Variants in CBARP observed in about 807,000 individuals in gnomAD.
The protein encoded by CBARP is CACN subunit beta associated regulatory protein, also known as voltage-dependent calcium channel beta subunit-associated regulatory protein.
In CBARP, 24 loss-of-function variants were observed where a neutral mutation model predicts 36.3. That is an observed-to-expected ratio of 0.66 (90% confidence interval 0.48 to 0.93). The LOEUF (loss-of-function observed/expected upper bound fraction) is 0.93, where lower values mean the gene tolerates loss of function less well. CBARP is among the 40% of genes least tolerant of loss of function. The pLI, the probability that CBARP is intolerant of heterozygous loss-of-function variation, is 0.00. For synonymous variants in CBARP, 586 were observed against 453.2 expected (o/e 1.29, Z -3.72); for missense variants, 1,146 against 980.4 (o/e 1.17, Z -2.26).
chr19:1,233,818 A>G (rs942486075), intron 7 of CBARP, among the ~76,000 whole-genome samples, 182 bp from the exon 8 acceptor site: 3 of 152,156 alleles, frequency 2.0e-5, no homozygotes, highest in Non-Finnish European at 4.4e-5. Flanking sequence ...GGTGGGCTAC[A>G]CTAAGGTGCT....
intron 1 of CBARP, 73 bp from the exon 2 acceptor site, chr19:1,236,194 T>TG (rs2080970478): frequency 7.4e-7 from 1 of 1,352,474 alleles, no homozygotes; most frequent in African/African-American, 1.5e-5. Context: ...ACAAGCTGGG[T>TG]CTTCCCTGCA....
Position 1,229,313 on chromosome 19 carries a change from A to G in CBARP, c.1984T>C (p.Ser662Pro). 8.0e-7 allele frequency: 1 copy of G among 1,252,690 alleles called. No individual in the cohort carries two copies. Among genetic ancestry groups the G allele is most frequent in the Non-Finnish European group, 1.0e-6 (1 of 975,044 alleles). The allele number at this position is 1,252,690 out of a possible 1,614,324, so 77.6% of individuals were successfully genotyped here. ...GCCAGCTTGTCCAGCACCGACCCGG[A>G]TGGTAGGACGCACAGGCCCGAGCCG... Reference protein sequence around the residue: ...CPGSGLCVLPSGSVLDKLAAG... With the variant: ...CPGSGLCVLPPGSVLDKLAAG... The change falls in exon 10 of 10, where the codon TCC becomes CCC. Residue 662 changes from serine (S) to proline (P), a missense_variant. Transcript: ENST00000650044. This position sits in a 1 kb window ranked among gnomAD's most constrained non-coding sequence, Gnocchi z 5.1.
Position 1,231,213 on chromosome 19 carries a change from CCTCCTG to C in CBARP, c.1036_1041del (p.Gln346_Glu347del). On this transcript the variant is annotated inframe_deletion, in exon 9 of 10. Coordinates refer to ENST00000650044, the MANE Select transcript of CBARP (RefSeq NM_001393918.1). ...AAGTCCTCCTGGGGGGCATCCCCCT[CCTCCTG>C]CTCCGTGCTCTCACTGGCTGCCCGC... 3.1e-6 allele frequency: 5 copies of C among 1,603,392 alleles called. No individual in the cohort carries two copies. Among genetic ancestry groups the C allele is most frequent in the Non-Finnish European group, 3.4e-6 (4 of 1,179,476 alleles).
At chr19:1,235,374 A>G in intron 4 of CBARP, 127 bp downstream of exon 4, 1 of 1,181,214 alleles carries the variant, frequency 8.5e-7, no homozygotes, top group Non-Finnish European at 1.2e-6. Flanking sequence ...ATGAGTCGGA[A>G]TCGAGCTGCG....
chr19:1,230,441 GT>G, intron 9 of CBARP: 1 of 992,026 alleles, frequency 1.0e-6, no homozygotes, highest in Non-Finnish European at 1.2e-6. Flanking sequence ...CGGGAGTCAC[GT>G]TTTCCCAGCC....
chr19:1,235,300 TCA>T, intron 4 of CBARP, 155 bp from the exon 5 acceptor site: 1 of 1,050,022 alleles, frequency 9.5e-7, no homozygotes. Flanking sequence ...GTCCATCCGC[TCA>T]CACACTCACT....
chr19:1,229,309 C>T lies in CBARP; in HGVS notation c.1988G>A (p.Gly663Glu). Residue 663 changes from glycine to glutamate, a missense_variant, in exon 10 of 10, where the codon GGG becomes GAG. Transcript: ENST00000650044. The surrounding 1 kb of genome is among the most constrained non-coding windows in gnomAD (Gnocchi z 5.1). ...AGCCGCCAGCTTGTCCAGCACCGAC[C>T]CGGATGGTAGGACGCACAGGCCCGA... The part of the protein sequence containing the change: ...PGSGLCVLPS[G>E]SVLDKLAAGL... The T allele has an allele frequency of 8.0e-7, 1 of 1,254,332 alleles. No individual in the cohort carries two copies. The allele number at this position is 1,254,332 out of a possible 1,614,324, so 77.7% of individuals were successfully genotyped here.
In CBARP at chr19:1,234,659, G is replaced by A. The variant is rs764211015; in HGVS notation, c.539C>T (p.Thr180Ile). Reference protein sequence around the residue: ...HLHLPPLKIVTIHECDSGEAS... With the variant: ...HLHLPPLKIVIIHECDSGEAS... Reference sequence around the variant, plus strand: ...CTCGCCTGAGTCACACTCGTGGATGGTGACAATCTTGAGGGGCGGCAGGTG... The same window carrying A: ...CTCGCCTGAGTCACACTCGTGGATGATGACAATCTTGAGGGGCGGCAGGTG... The change falls in exon 6 of 10, where the codon ACC (threonine) becomes ATC (isoleucine). Residue 180 changes from threonine (T) to isoleucine (I), a missense_variant. Coordinates refer to ENST00000650044, the MANE Select transcript of CBARP (RefSeq NM_001393918.1). 2.5e-6 allele frequency: 4 copies of A among 1,612,506 alleles called. No individual in the cohort carries two copies. Among genetic ancestry groups the A allele is most frequent in the African/African-American group, 1.3e-5 (1 of 75,052 alleles).
chr19:1,235,178 G>A, intron 4 of CBARP, 33 bp from the exon 5 acceptor site: 9 of 1,510,316 alleles, frequency 6.0e-6, no homozygotes, highest in Non-Finnish European at 7.1e-6. Flanking sequence ...GTGGGCCCCG[G>A]GCGGGCCACG....
chr19:1,234,677 GGCAGGT>G lies in CBARP; in HGVS notation c.515_520del (p.His172_Leu173del), dbSNP rs750356044. ...GTGGATGGTGACAATCTTGAGGGGC[GGCAGGT>G]GCAGGTGCGTGAGCCGGGCATTCTT... On this transcript the variant is annotated inframe_deletion, in exon 6 of 10. Coordinates refer to ENST00000650044, the MANE Select transcript of CBARP (RefSeq NM_001393918.1). The G allele has an allele frequency of 1.2e-6, 2 of 1,612,684 alleles. No individual in the cohort carries two copies. Among genetic ancestry groups the G allele is most frequent in the South Asian group, 1.1e-5 (1 of 90,808 alleles).
Position 1,229,416 on chromosome 19 carries a change from G to C in CBARP, c.1881C>G (p.Asp627Glu). 9.8e-7 allele frequency: 1 copy of C among 1,020,862 alleles called. No individual in the cohort carries two copies. The highest frequency in any genetic ancestry group is 1.2e-6 in the Non-Finnish European group (1 of 849,016). 63.2% of individuals were successfully genotyped at this position (1,020,862 alleles called of 1,614,324 possible). ...CGCCGGCGCCGCCCAGGGTGCGACC[G>C]TCGGGCGGGCCGTCCACGCTGTCGC... ...RRGDSVDGPP[D>E]GRTLGGAGDD... Residue 627 changes from aspartate to glutamate, a missense_variant, in exon 10 of 10, where the codon GAC becomes GAG. Coordinates refer to ENST00000650044, the MANE Select transcript of CBARP (RefSeq NM_001393918.1). This position sits in a 1 kb window ranked among gnomAD's most constrained non-coding sequence, Gnocchi z 5.1.
intron 9 of CBARP, 126 bp from the exon 10 acceptor site, chr19:1,230,268 G>A (rs536267632): frequency 5.0e-6 from 5 of 992,092 alleles, no homozygotes; most frequent in South Asian, 4.5e-5. Flanking sequence ...GGCCTTGGAA[G>A]GTGAGAGCTT....
Position 1,231,287 on chromosome 19 carries a change from A to G in CBARP, c.980-12T>C. The G allele has an allele frequency of 1.9e-6, 3 of 1,597,146 alleles. No homozygotes were observed. Among genetic ancestry groups the G allele is most frequent in the Non-Finnish European group, 2.5e-6 (3 of 1,178,198 alleles). ...CCGCTTGGGGGAACCTGCGCACGGG[A>G]TGTGCCGTAAGCGTCAGCCGGCATG... On this transcript the variant is annotated splice_polypyrimidine_tract_variant and intron_variant, in intron 8 of 9. Coordinates refer to ENST00000650044, the MANE Select transcript of CBARP (RefSeq NM_001393918.1).
rs1043332238 is a variant in CBARP, at chr19:1,231,194, T to A, written c.1061A>T (p.Glu354Val). 6.2e-7 allele frequency: 1 copy of A among 1,604,010 alleles called. No individual in the cohort carries two copies. The part of the protein sequence containing the change: ...TEQEEGDAPQ[E>V]DFIQYIARAG... ...CCGGGCAATGTACTGGATGAAGTCC[T>A]CCTGGGGGGCATCCCCCTCCTCCTG... Residue 354 changes from glutamate to valine, a missense_variant, in exon 9 of 10, where the codon GAG becomes GTG. Coordinates refer to ENST00000650044, the MANE Select transcript of CBARP (RefSeq NM_001393918.1).
In CBARP at chr19:1,229,205, T is replaced by TG; in HGVS notation, c.2091dup (p.Thr698HisfsTer107). On this transcript the variant is annotated frameshift_variant, in exon 10 of 10. Coordinates refer to ENST00000650044, the MANE Select transcript of CBARP (RefSeq NM_001393918.1). LOFTEE classifies it high-confidence loss of function. This position sits in a 1 kb window ranked among gnomAD's most constrained non-coding sequence, Gnocchi z 5.1. ...TAGGCCGGGCTGTGGTCGGGGGACG[T>TG]GGGGGCGGCGGCGACCAACGCGGGA... 2 of 1,198,036 alleles carry TG rather than the reference T, an allele frequency of 1.7e-6. No homozygotes were observed. The highest frequency in any genetic ancestry group is 2.1e-6 in the Non-Finnish European group (2 of 944,398). 74.2% of individuals were successfully genotyped at this position (1,198,036 alleles called of 1,614,324 possible).
At chr19:1,237,175 C>T (rs1216257784) in intron 1 of CBARP, among the ~76,000 whole-genome samples, 1 of 152,242 alleles carries the variant, frequency 6.6e-6, no homozygotes, top group African/African-American at 2.4e-5. Flanking sequence ...GGACTTCCGC[C>T]CACACGCGAC....
At chr19:1,233,724 T>G in intron 7 of CBARP, 88 bp from the exon 8 acceptor site, 1 of 1,263,748 alleles carries the variant, frequency 7.9e-7, no homozygotes, top group Non-Finnish European at 1.1e-6. Context: ...TGAGAGACAG[T>G]CCCAAGGGCC....
At chr19:1,231,448 C>A (rs1599942406) in intron 8 of CBARP, among the ~76,000 whole-genome samples, 173 bp from the exon 9 acceptor site, 1 of 115,002 alleles carries the variant, frequency 8.7e-6, no homozygotes, top group Non-Finnish European at 1.8e-5. Context: ...CCCACACATA[C>A]AACGCCTGGG....
chr19:1,234,547 C>T (rs754691361), intron 6 of CBARP, 24 bp downstream of exon 6: 207 of 1,580,728 alleles, frequency 1.3e-4, no homozygotes, highest in African/African-American at 1.7e-4. Flanking sequence ...CCCGAGGAAC[C>T]GGGGCTGCTG....
Sources: allele counts gnomAD v4.1 joint callset (sites outside exome capture counted in the v4.1 genomes callset), GRCh38; gene constraint gnomAD v4.1.1; non-coding constraint Gnocchi (gnomAD v3.1); transcripts MANE v1.5; gene names NCBI Gene and HGNC (gene_info 2026-07-23, HGNC 2026-07-21).